The following KIF13B variants were observed in gnomAD, a reference collection of about 807,000 sequenced individuals.
The protein encoded by KIF13B is kinesin-like protein KIF13B.
KIF13B carries 127 observed loss-of-function variants against 222.0 expected under a neutral mutation model. The observed-to-expected ratio is 0.57, with a 90% CI of 0.50 to 0.66. The LOEUF (loss-of-function observed/expected upper bound fraction) is 0.66, where lower values mean the gene tolerates loss of function less well. KIF13B is among the 30% of genes least tolerant of loss of function. The pLI is 0.00. For missense variants in KIF13B, 2,173 were observed against 2,379.0 expected (o/e 0.91, Z 1.80); for synonymous variants, 976 against 919.0 (o/e 1.06, Z -1.12).
intron 36 of KIF13B, among the ~76,000 whole-genome samples, chr8:29,096,664 C>T (rs1002170205): frequency 6.6e-6 from 1 of 151,840 alleles, no homozygotes; most frequent in Non-Finnish European, 1.5e-5. Context: ...GATGAAACAA[C>T]AGTACAAAAT....
At chr8:29,194,671 A>T (rs1295446497) in intron 3 of KIF13B, among the ~76,000 whole-genome samples, 3 of 152,220 alleles carry the variant, frequency 2.0e-5, no homozygotes, top group Non-Finnish European at 4.4e-5. Flanking sequence ...ATTATAGGTA[A>T]CTTCCAGGCA....
chr8:29,087,459 G>C (rs915254173), intron 37 of KIF13B, among the ~76,000 whole-genome samples: 1 of 152,122 alleles, frequency 6.6e-6, no homozygotes, highest in Non-Finnish European at 1.5e-5. Flanking sequence ...AAAAATTCTA[G>C]GAATGAATCT....
rs1815960198 is a variant in KIF13B, at chr8:29,245,034, AC to A, written c.149+311del. Among the ~76,000 whole-genome samples, 9 of 152,354 alleles carry A rather than the reference AC, an allele frequency of 5.9e-5. 1 individual carries two copies. In the Middle Eastern group the frequency reaches 0.027, roughly 461 times the overall value. Reference sequence around the variant, plus strand: ...AAAAGCCACTCATGCTAAGGAACCGACTTACATCCTAGCTAATCCTCCAGCC... The same window carrying A: ...AAAAGCCACTCATGCTAAGGAACCGATTACATCCTAGCTAATCCTCCAGCC... On this transcript the variant is annotated intron_variant, in intron 2 of 39. Coordinates refer to ENST00000524189, the MANE Select transcript of KIF13B (RefSeq NM_015254.4).
intron 20 of KIF13B, 95 bp downstream of exon 20, chr8:29,140,373 C>G: frequency 7.0e-7 from 1 of 1,428,316 alleles, no homozygotes; most frequent in Admixed American, 2.1e-5. Context: ...TAATAAGACA[C>G]GTTACTGACA....
chr8:29,238,853 C>A (rs969487964), intron 2 of KIF13B, among the ~76,000 whole-genome samples: 30 of 152,054 alleles, frequency 2.0e-4, no homozygotes, highest in Non-Finnish European at 2.1e-4. Context: ...CAAAACCTTA[C>A]ACTTAGGGGT....
intron 35 of KIF13B, among the ~76,000 whole-genome samples, chr8:29,105,757 C>T (rs996138707): frequency 7.3e-6 from 1 of 136,802 alleles, no homozygotes; most frequent in South Asian, 2.5e-4. Context: ...CTCCCGGGTT[C>T]AAGAAATTCT....
At chr8:29,176,588 T>C (rs939109177) in intron 9 of KIF13B, among the ~76,000 whole-genome samples, 3 of 152,252 alleles carry the variant, frequency 2.0e-5, no homozygotes, top group African/African-American at 4.8e-5. Context: ...ATGACTCCTA[T>C]GTGTCCTTCT....
intron 18 of KIF13B, 38 bp from the exon 19 acceptor site, chr8:29,142,341 G>A: frequency 6.3e-7 from 1 of 1,578,474 alleles, no homozygotes; most frequent in Non-Finnish European, 8.6e-7. Context: ...GAAACACACA[G>A]GCAGCGGGGA....
intron 31 of KIF13B, 33 bp from the exon 32 acceptor site, chr8:29,113,588 C>T: frequency 7.5e-7 from 1 of 1,335,072 alleles, no homozygotes; most frequent in African/African-American, 1.5e-5. Flanking sequence ...ATATGGTTTC[C>T]CACCTGAAAA....
At position 29,124,102 on chromosome 8, in the gene KIF13B, G is replaced by A. The variant is rs771282128; in HGVS notation, c.3274C>T (p.Arg1092Cys). 1.2e-5 allele frequency: 19 copies of A among 1,610,528 alleles called. No individual in the cohort carries two copies. Among genetic ancestry groups the A allele is most frequent in the Non-Finnish European group, 1.4e-5 (17 of 1,177,182 alleles). Residue 1092 changes from arginine to cysteine, a missense_variant, in exon 27 of 40, where the codon CGT becomes TGT. Arg to Cys is a radical substitution (Grantham distance 180). Around this residue, in one of 2 missense-constraint regions of KIF13B, gnomAD observed 1,480 missense variants for 1,722.8 expected, o/e 0.86. Transcript: ENST00000524189. ...SYQDRDLERL[R>C]RKWLNALTKR... ...GTTAATGCATTTAGCCATTTTCTAC[G>A]AAGTCTCTCTAAATCTCGATCCTGG...
chr8:29,141,357 A>G (rs1269654030), intron 19 of KIF13B, among the ~76,000 whole-genome samples: 9 of 151,996 alleles, frequency 5.9e-5, no homozygotes. Context: ...GTGAGCCCCT[A>G]TGGGAGTGGC....
chr8:29,146,315 A>C (rs759304472), intron 18 of KIF13B, 63 bp downstream of exon 18: 1 of 1,536,942 alleles, frequency 6.5e-7, no homozygotes, highest in Admixed American at 1.7e-5. Flanking sequence ...AAATAACACC[A>C]GGAAATATCA....
chr8:29,223,337 AAAAAAAAAC>A (rs1814852828), intron 2 of KIF13B, among the ~76,000 whole-genome samples: 4 of 150,196 alleles, frequency 2.7e-5, no homozygotes, highest in Admixed American at 2.0e-4. Context: ...GTCTCAAAAA[AAAAAAAAAC>A]AAAAAAATCT....
chr8:29,091,893 T>A (rs1808314177), intron 37 of KIF13B, among the ~76,000 whole-genome samples: 3 of 152,236 alleles, frequency 2.0e-5, no homozygotes, highest in African/African-American at 7.2e-5. Flanking sequence ...GCTAGATTTT[T>A]AAAAATTACA....
intron 37 of KIF13B, among the ~76,000 whole-genome samples, chr8:29,085,902 C>A (rs1263606946): frequency 6.6e-6 from 1 of 150,696 alleles, no homozygotes; most frequent in Non-Finnish European, 1.5e-5. Context: ...AACCATTTTC[C>A]CACTGTCAGC....
In KIF13B at chr8:29,132,412, T is replaced by C. The variant is rs528327654; in HGVS notation, c.2838A>G (p.Ala946=). ...EDFIEHLSEG[A]LAIEVYGHKI... is the part of the protein sequence containing the mutation. ...TATGTCCATATACTTCAATTGCCAA[T>C]GCTCCTTCGGAAAGATGCTCGATAA... The change falls in exon 23 of 40, where the codon GCA becomes GCG. Residue 946 remains alanine, a synonymous_variant. Coordinates refer to ENST00000524189, the MANE Select transcript of KIF13B (RefSeq NM_015254.4). The C allele has an allele frequency of 1.3e-6, 2 of 1,589,924 alleles. No individual in the cohort carries two copies. Among genetic ancestry groups the C allele is most frequent in the Non-Finnish European group, 8.6e-7 (1 of 1,167,016 alleles).
At chr8:29,109,573 C>T (rs1809257759) in intron 33 of KIF13B, 62 bp from the exon 34 acceptor site, 4 of 1,316,340 alleles carry the variant, frequency 3.0e-6, no homozygotes, top group South Asian at 2.4e-5. Flanking sequence ...AAAAGCAACA[C>T]CATGTACAGC....
chr8:29,195,341 C>T (rs1391754153), intron 3 of KIF13B, among the ~76,000 whole-genome samples: 1 of 152,050 alleles, frequency 6.6e-6, no homozygotes, highest in Non-Finnish European at 1.5e-5. Flanking sequence ...AAACCAGTGC[C>T]CTATTCGGCT....
At chr8:29,187,559 GAAAT>G (rs539617574) in intron 5 of KIF13B, among the ~76,000 whole-genome samples, 314 of 152,142 alleles carry the variant, frequency 2.1e-3, no homozygotes, top group Non-Finnish European at 3.4e-3. Context: ...CGTTGTAAAA[GAAAT>G]ATATATTAAA....
Sources: allele counts gnomAD v4.1 joint callset (sites outside exome capture counted in the v4.1 genomes callset), GRCh38; gene constraint gnomAD v4.1.1; regional missense constraint gnomAD v4.1.1; transcripts MANE v1.5; gene names NCBI Gene and HGNC (gene_info 2026-07-23, HGNC 2026-07-21).